ZNF536: variants seen among roughly 807,000 people sequenced by gnomAD.
The protein encoded by ZNF536 is zinc finger protein 536.
Under a neutral mutation model 84.5 loss-of-function variants are expected in ZNF536, and 13 were observed. The observed-to-expected ratio is 0.15, with a 90% CI of 0.10 to 0.24. ZNF536 has a LOEUF of 0.24. Among genes scored for constraint, ZNF536 ranks in the 10% least tolerant of loss-of-function variants. ZNF536 has a pLI of 1.00. For synonymous variants in ZNF536, 811 were observed against 742.5 expected (o/e 1.09, Z -1.50); for missense variants, 1,536 against 1,747.5 (o/e 0.88, Z 2.16).
chr19:30,407,547 G>T (rs558328508), intron 1 of ZNF536, among the ~76,000 whole-genome samples: 1 of 152,182 alleles, frequency 6.6e-6, no homozygotes, highest in African/African-American at 2.4e-5. Flanking sequence ...ACAAGCCGGG[G>T]CCTCACGAAC....
At chr19:30,337,915 T>A (rs1325541416) in intron 2 of ZNF536, among the ~76,000 whole-genome samples, 1 of 152,088 alleles carries the variant, frequency 6.6e-6, no homozygotes, top group Non-Finnish European at 1.5e-5. Flanking sequence ...ATGATGATGA[T>A]GACAATGGTG....
At chr19:30,700,748 A>G (rs1240980477) in intron 1 of ZNF536, among the ~76,000 whole-genome samples, 1 of 152,180 alleles carries the variant, frequency 6.6e-6, no homozygotes, top group East Asian at 1.9e-4. Context: ...CCAATGGTCA[A>G]ATGTATCCAA....
intron 1 of ZNF536, among the ~76,000 whole-genome samples, chr19:30,386,436 G>A (rs2049345298): frequency 6.6e-6 from 1 of 152,186 alleles, no homozygotes. Flanking sequence ...GAGTGCAGTG[G>A]AGTGATCATG....
chr19:30,681,809 G>GC (rs1057496668), intron 1 of ZNF536, among the ~76,000 whole-genome samples: 1 of 152,138 alleles, frequency 6.6e-6, no homozygotes, highest in Non-Finnish European at 1.5e-5. Context: ...TCTCTGGGTA[G>GC]CCCCCCTTCC....
At chr19:30,336,907 C>T (rs1360205092) in intron 2 of ZNF536, among the ~76,000 whole-genome samples, 1 of 152,210 alleles carries the variant, frequency 6.6e-6, no homozygotes, top group African/African-American at 2.4e-5. Flanking sequence ...CCCCAAACTT[C>T]ATTAGTGATT....
At chr19:30,596,783 G>T (rs1224819454) in intron 1 of ZNF536, among the ~76,000 whole-genome samples, 1 of 151,832 alleles carries the variant, frequency 6.6e-6, no homozygotes, top group Non-Finnish European at 1.5e-5. Flanking sequence ...TGGGAGGGGG[G>T]TTCTGATGAC....
At chr19:30,543,751 C>T (rs1422259259) in intron 3 of ZNF536, among the ~76,000 whole-genome samples, 2 of 152,202 alleles carry the variant, frequency 1.3e-5, no homozygotes, top group African/African-American at 2.4e-5. Context: ...TGCTGCCCCA[C>T]CCCGTCTAGG....
chr19:30,396,240 TG>T (rs2049811856), intron 1 of ZNF536, among the ~76,000 whole-genome samples: 1 of 152,200 alleles, frequency 6.6e-6, no homozygotes, highest in Non-Finnish European at 1.5e-5. Flanking sequence ...CATCTCCTGA[TG>T]GGATAATTTT....
Position 30,444,222 on chromosome 19 carries a change from C to G in ZNF536, c.660C>G (p.Pro220=), listed in dbSNP as rs1484686551. ...DKQLKGSLLQ[P]RPDLKPPPHA... ...AGCTGAAAGGCAGCCTGCTGCAGCC[C>G]CGGCCGGACCTGAAGCCCCCGCCGC... The change falls in exon 2 of 5, where the codon CCC becomes CCG. Residue 220 remains proline (P), a synonymous_variant. Coordinates refer to ENST00000355537, the MANE Select transcript of ZNF536 (RefSeq NM_014717.3). The G allele has an allele frequency of 6.5e-7, 1 of 1,544,978 alleles. No homozygotes were observed. The highest frequency in any genetic ancestry group is 8.7e-7 in the Non-Finnish European group (1 of 1,150,542).
rs67781281 is a variant in ZNF536, at chr19:30,666,832, G to GTATA, written c.170-43911_170-43908dup. 5.2e-3 allele frequency among the ~76,000 whole-genome samples: 770 copies of GTATA among 149,154 alleles called. 4 individuals are homozygous for GTATA. Among genetic ancestry groups the GTATA allele is most frequent in the Middle Eastern group, 7.0e-3 (2 of 284 alleles). ...TGTATGTGTATATATGTGTGTGTGT[G>GTATA]TATATATATATATATATGTATGTAT... On this transcript the variant is annotated intron_variant, in intron 1 of 1. Coordinates refer to the ZNF536 transcript ENST00000592773.
chr19:30,693,585 A>AT (rs1391166856), intron 1 of ZNF536, among the ~76,000 whole-genome samples: 8 of 136,304 alleles, frequency 5.9e-5, no homozygotes, highest in Non-Finnish European at 3.4e-5. Flanking sequence ...TTGTGACTTC[A>AT]TAAAAAAAAA....
intron 1 of ZNF536, among the ~76,000 whole-genome samples, chr19:30,698,123 C>A (rs1208884377): frequency 1.3e-5 from 2 of 152,134 alleles, no homozygotes; most frequent in Non-Finnish European, 1.5e-5. Flanking sequence ...GAAACCCAGT[C>A]TCTACTAAAA....
At chr19:30,621,693 G>A (rs1272425365) in intron 1 of ZNF536, among the ~76,000 whole-genome samples, 1 of 152,262 alleles carries the variant, frequency 6.6e-6, no homozygotes, top group Non-Finnish European at 1.5e-5. Flanking sequence ...TGGGTGAGGA[G>A]CAGCCGGGTG....
At chr19:30,338,951 A>G (rs1014382600) in intron 2 of ZNF536, among the ~76,000 whole-genome samples, 8 of 152,154 alleles carry the variant, frequency 5.3e-5, no homozygotes, top group Admixed American at 3.3e-4. Flanking sequence ...CATGTGTGAG[A>G]GTGCAGCACC....
chr19:30,445,648 G>T lies in ZNF536; in HGVS notation c.2086G>T (p.Glu696Ter). The change falls in exon 2 of 5, where the codon GAG (glutamate) becomes TAG (stop). Residue 696 changes from glutamate to a stop codon, truncating the protein, a stop_gained. Coordinates refer to ENST00000355537, the MANE Select transcript of ZNF536 (RefSeq NM_014717.3). LOFTEE classifies it high-confidence loss of function. The surrounding 1 kb of genome is among the most constrained non-coding windows in gnomAD (Gnocchi z 4.5). The stretch of plus-strand genomic sequence containing the variant: ...CACGCCGGGCTCCTCTAACGTCACC[G>T]AGGAGAGCGGGGTCGGAGGCGGCCT... Reference protein sequence around the residue: ...STTPGSSNVTEESGVGGGLSQ... With the variant: ...STTPGSSNVT 1 of 1,612,344 alleles carries T rather than the reference G, an allele frequency of 6.2e-7. No homozygotes were observed. The highest frequency in any genetic ancestry group is 8.5e-7 in the Non-Finnish European group (1 of 1,179,378).
intron 1 of ZNF536, among the ~76,000 whole-genome samples, chr19:30,686,531 C>G (rs1179036101): frequency 6.6e-6 from 1 of 152,210 alleles, no homozygotes; most frequent in African/African-American, 2.4e-5. Context: ...ACCGTGGCAC[C>G]GTGGCCCAGT....
At chr19:30,527,635 G>A (rs2044642015) in intron 2 of ZNF536, among the ~76,000 whole-genome samples, 1 of 151,458 alleles carries the variant, frequency 6.6e-6, no homozygotes, top group Non-Finnish European at 1.5e-5. Flanking sequence ...CGAGGCATGA[G>A]TTATGTCTTC....
At chr19:30,275,745 C>T (rs2026092362) in intron 1 of ZNF536, among the ~76,000 whole-genome samples, 1 of 152,156 alleles carries the variant, frequency 6.6e-6, no homozygotes, top group Non-Finnish European at 1.5e-5. Context: ...ATGCTTGGAA[C>T]TCTGGGTGGC....
chr19:30,678,176 A>T (rs2050826150), intron 1 of ZNF536, among the ~76,000 whole-genome samples: 1 of 152,240 alleles, frequency 6.6e-6, no homozygotes, highest in Non-Finnish European at 1.5e-5. Context: ...TGCTGTCTTC[A>T]GGGACCGGAG....
Sources: gnomAD v4.1 joint callset for allele counts (sites outside exome capture counted in the v4.1 genomes callset) on GRCh38, gnomAD v4.1.1 for gene constraint, Gnocchi (gnomAD v3.1) non-coding constraint, MANE v1.5 for transcripts, NCBI Gene and HGNC (gene_info 2026-07-23, HGNC 2026-07-21) for gene names.